Variants in MAP3K13 observed in about 807,000 individuals in gnomAD.
MAP3K13 encodes the protein mitogen-activated protein kinase kinase kinase 13.
Under a neutral mutation model 104.0 loss-of-function variants are expected in MAP3K13, and 52 were observed. The ratio of observed to expected loss-of-function variants is 0.50; its 90% CI spans 0.40 to 0.63. The LOEUF (loss-of-function observed/expected upper bound fraction) is 0.63. Ranked by LOEUF, MAP3K13 falls within the 20% of genes least tolerant of loss-of-function variation. MAP3K13 has a pLI of 0.00. For synonymous variants in MAP3K13, 394 were observed against 442.2 expected, an observed-to-expected ratio of 0.89 and a Z score of 1.37; for missense variants, 914 against 1,218.5, an observed-to-expected ratio of 0.75 and a Z score of 3.72.
intron 1 of MAP3K13, among the ~76,000 whole-genome samples, chr3:185,388,924 C>T (rs1162677458): frequency 2.6e-5 from 4 of 152,090 alleles, no homozygotes; most frequent in Non-Finnish European, 5.9e-5. Flanking sequence ...AAATGTTACA[C>T]CTTAAAATTT....
At chr3:185,332,136 T>G (rs1008914089) in intron 2 of MAP3K13, among the ~76,000 whole-genome samples, 4 of 152,204 alleles carry the variant, frequency 2.6e-5, no homozygotes, top group African/African-American at 9.7e-5. Context: ...TATATCCATA[T>G]GACTAAATTC....
chr3:185,439,251 A>T (rs972604177), intron 3 of MAP3K13, among the ~76,000 whole-genome samples: 1 of 152,180 alleles, frequency 6.6e-6, no homozygotes, highest in Non-Finnish European at 1.5e-5. Flanking sequence ...GGGAAGGGAC[A>T]TTCATGCAGA....
intron 1 of MAP3K13, among the ~76,000 whole-genome samples, chr3:185,397,653 A>C (rs1344027562): frequency 1.3e-5 from 2 of 152,158 alleles, no homozygotes; most frequent in African/African-American, 4.8e-5. Context: ...CCTCCTTTAA[A>C]TAGGACTGTT....
chr3:185,351,550 C>G (rs983005858), intron 2 of MAP3K13, among the ~76,000 whole-genome samples: 32 of 152,242 alleles, frequency 2.1e-4, no homozygotes, highest in African/African-American at 7.2e-4. Context: ...ATTCCTGGCT[C>G]TGCCATGAAT....
intron 1 of MAP3K13, among the ~76,000 whole-genome samples, chr3:185,408,722 C>T (rs1713260592): frequency 6.6e-6 from 1 of 152,164 alleles, no homozygotes; most frequent in Non-Finnish European, 1.5e-5. Context: ...GGCTAGGAAT[C>T]AAACAAGGTA....
chr3:185,421,322 C>G (rs956502713), intron 1 of MAP3K13, among the ~76,000 whole-genome samples: 1 of 151,864 alleles, frequency 6.6e-6, no homozygotes, highest in Non-Finnish European at 1.5e-5. Context: ...CTCAGCCTCC[C>G]GAGTAGCTGG....
Position 185,473,862 on chromosome 3 carries a change from T to C in MAP3K13, c.2430+101T>C. On this transcript the variant is annotated intron_variant, in intron 11 of 13. Transcript: ENST00000265026. The surrounding 1 kb of genome is among the most constrained non-coding windows in gnomAD (Gnocchi z 4.9). ...GAGAGCATATGTAAAAAGTATACAT[T>C]TTGTAAAAGGACAAGATAACAGAAA... is the stretch of plus-strand genomic sequence containing the variant. 8.0e-7 allele frequency: 1 copy of C among 1,257,518 alleles called. No homozygotes were observed. The highest frequency in any genetic ancestry group is 1.5e-5 in the African/African-American group (1 of 66,874). The allele number at this position is 1,257,518 out of a possible 1,614,324, so 77.9% of individuals were successfully genotyped here. A position where few individuals can be genotyped will look rare whatever the true frequency, so the allele number is the denominator to read the frequency against.
chr3:185,354,617 G>A (rs1031357133), intron 2 of MAP3K13, among the ~76,000 whole-genome samples: 28 of 151,306 alleles, frequency 1.9e-4, no homozygotes, highest in African/African-American at 6.1e-4. Flanking sequence ...ATGGGGGGGG[G>A]GCAGGGTACT....
chr3:185,472,689 C>G (rs1296101013), intron 10 of MAP3K13, among the ~76,000 whole-genome samples: 2 of 152,124 alleles, frequency 1.3e-5, no homozygotes, highest in African/African-American at 4.8e-5. Flanking sequence ...GGGCTCTTTT[C>G]AAAGCGATTG....
chr3:185,370,227 T>C (rs1206185040), intron 1 of MAP3K13, among the ~76,000 whole-genome samples: 1 of 152,192 alleles, frequency 6.6e-6, no homozygotes, highest in Non-Finnish European at 1.5e-5. Context: ...GGAGTTTTGC[T>C]CTTGTTGCCC....
chr3:185,402,019 G>C lies in MAP3K13; in HGVS notation c.-85-26478G>C, dbSNP rs530356785. ...AGTGTGATAAATGATGCTCAAGGAAGAGTTCCCGAAGGAGATGCAATCCAT... is the reference window on the plus strand; with the variant it reads ...AGTGTGATAAATGATGCTCAAGGAACAGTTCCCGAAGGAGATGCAATCCAT... On this transcript the variant is annotated intron_variant, in intron 1 of 13. Transcript: ENST00000265026. 3.9e-5 allele frequency among the ~76,000 whole-genome samples: 6 copies of C among 152,356 alleles called. No individual in the cohort carries two copies. In the South Asian group the frequency reaches 1.2e-3, roughly 32 times the overall value.
intron 7 of MAP3K13, among the ~76,000 whole-genome samples, chr3:185,453,830 T>G (rs1280643866): frequency 7.9e-5 from 2 of 25,468 alleles, no homozygotes; most frequent in Non-Finnish European, 1.9e-4. Context: ...ATATGAGATA[T>G]ATATATATGA....
chr3:185,315,249 C>G lies in MAP3K13; in HGVS notation c.-86+29606C>G, dbSNP rs1199587367. Among the ~76,000 whole-genome samples, 2 of 148,786 alleles carry G rather than the reference C, an allele frequency of 1.3e-5. No individual in the cohort carries two copies. The highest frequency in any genetic ancestry group is 1.3e-4 in the Admixed American group (2 of 14,996). ...TGGGTGACAGAGCAAGACTCCAACT[C>G]AAAAAAGAAAAAAAAAACTATAAAT... On this transcript the variant is annotated intron_variant, in intron 2 of 14. Transcript: ENST00000424227. This position sits in a 1 kb window ranked among gnomAD's most constrained non-coding sequence, Gnocchi z 4.3.
rs563970071 is a variant in MAP3K13 at position 185,440,442 on chromosome 3, G to A, written c.659+2812G>A. ...TACTTAAGCATATTACATTATACCT[G>A]CCGTATTTATTAGTTCTCTGTAATG... is the stretch of plus-strand genomic sequence containing the variant. On this transcript the variant is annotated intron_variant, in intron 3 of 13. Transcript: ENST00000265026. 3.3e-5 allele frequency among the ~76,000 whole-genome samples: 5 copies of A among 152,268 alleles called. No individual in the cohort carries two copies. The East Asian group carries it at 9.6e-4, about 29-fold the overall frequency.
chr3:185,352,630 A>AT (rs1723177929), intron 2 of MAP3K13, among the ~76,000 whole-genome samples: 1 of 152,188 alleles, frequency 6.6e-6, no homozygotes, highest in African/African-American at 2.4e-5. Flanking sequence ...ATAGGCTGAG[A>AT]TCAGGCTCTG....
intron 1 of MAP3K13, among the ~76,000 whole-genome samples, chr3:185,365,878 TCCCCTCCCCTC>T (rs1723856012): frequency 1.5e-4 from 1 of 6,812 alleles, no homozygotes; most frequent in Admixed American, 2.5e-3. Flanking sequence ...TCCCCTCCCC[TCCCCTCCCCTC>T]CCCTCCCCTC....
At chr3:185,401,900 C>T (rs576833155) in intron 1 of MAP3K13, among the ~76,000 whole-genome samples, 4 of 152,124 alleles carry the variant, frequency 2.6e-5, no homozygotes, top group Admixed American at 2.6e-4. Context: ...TATGGAGCGA[C>T]CTCTTACCTG....
At chr3:185,361,262 ATTAG>A (rs1454736057), upstream of MAP3K13, among the ~76,000 whole-genome samples, 4 of 151,396 alleles carry the variant, frequency 2.6e-5, no homozygotes, top group East Asian at 1.9e-4. Context: ...GCCTCTTTCC[ATTAG>A]TTAGTCTGTA....
At chr3:185,309,512 CAAAAAA>C (rs66889332) in intron 2 of MAP3K13, among the ~76,000 whole-genome samples, 3 of 105,778 alleles carry the variant, frequency 2.8e-5, no homozygotes, top group Admixed American at 9.9e-5. Context: ...CCTTGTCTCA[CAAAAAA>C]AAAAAAAAAA....
Sources: gnomAD v4.1 joint callset for allele counts (sites outside exome capture counted in the v4.1 genomes callset) on GRCh38, gnomAD v4.1.1 for gene constraint, Gnocchi (gnomAD v3.1) non-coding constraint, MANE v1.5 for transcripts, NCBI Gene and HGNC (gene_info 2026-07-23, HGNC 2026-07-21) for gene names.